Variants in PCCA observed in about 807,000 individuals in gnomAD.
PCCA encodes the protein propionyl-CoA carboxylase subunit alpha.
In PCCA, 74 loss-of-function variants were observed where a neutral mutation model predicts 101.3. The ratio of observed to expected loss-of-function variants is 0.73; its 90% CI spans 0.61 to 0.89. PCCA has a LOEUF of 0.89. Among genes scored for constraint, PCCA ranks in the 40% least tolerant of loss-of-function variants. The pLI, the probability that PCCA is intolerant of heterozygous loss-of-function variation, is 0.00. For synonymous variants in PCCA, 294 were observed against 313.6 expected (o/e 0.94, Z 0.66); for missense variants, 891 against 907.0 (o/e 0.98, Z 0.23).
At position 100,347,324 on chromosome 13, in the gene PCCA, A is replaced by G. The variant is rs371555019; in HGVS notation, c.1643+7065A>G. ...TTTATTGAAATACTTGCTTCATTGC[A>G]GTGGTCTGGAACTGATCTCACAGTA... On this transcript the variant is annotated intron_variant, in intron 18 of 23. Coordinates refer to ENST00000376285, the MANE Select transcript of PCCA (RefSeq NM_000282.4). 9.8e-4 allele frequency among the ~76,000 whole-genome samples: 149 copies of G among 152,360 alleles called. 4 individuals are homozygous for G. In the South Asian group the frequency reaches 0.028, roughly 29 times the overall value.
chr13:100,117,144 A>G (rs1274552966), intron 4 of PCCA, among the ~76,000 whole-genome samples: 1 of 152,070 alleles, frequency 6.6e-6, no homozygotes, highest in Non-Finnish European at 1.5e-5. Flanking sequence ...TTTATTTTTA[A>G]GTGGTTGTGA....
chr13:100,368,978 G>C (rs971775591), intron 19 of PCCA, among the ~76,000 whole-genome samples: 1 of 152,136 alleles, frequency 6.6e-6, no homozygotes, highest in African/African-American at 2.4e-5. Context: ...AGACACTCTT[G>C]AGGCTAAATT....
chr13:100,388,226 T>A (rs185754371), intron 19 of PCCA, among the ~76,000 whole-genome samples: 49 of 152,298 alleles, frequency 3.2e-4, no homozygotes, highest in African/African-American at 1.1e-3. Flanking sequence ...CCCAACAGTT[T>A]AAGAGGCTGA....
At chr13:100,162,080 ATGTG>A (rs3034650) in intron 6 of PCCA, among the ~76,000 whole-genome samples, 47,359 of 146,756 alleles carry the variant, frequency 0.32, 8,026 homozygotes, top group East Asian at 0.63. Flanking sequence ...GTGTGTCTGT[ATGTG>A]TGTGTGTGTG....
At chr13:100,408,972 T>C (rs762227339) in intron 19 of PCCA, among the ~76,000 whole-genome samples, 3 of 152,188 alleles carry the variant, frequency 2.0e-5, no homozygotes, top group Non-Finnish European at 4.4e-5. Context: ...TAAGCTTAAT[T>C]ACTGTCCGAT....
intron 21 of PCCA, among the ~76,000 whole-genome samples, chr13:100,458,926 A>G (rs1453612367): frequency 1.3e-5 from 2 of 152,112 alleles, no homozygotes; most frequent in Admixed American, 1.3e-4. Flanking sequence ...GGGTGGCTTA[A>G]AATAACAGAA....
chr13:100,160,508 G>GAAA (rs5806153), intron 6 of PCCA, among the ~76,000 whole-genome samples: 4 of 128,872 alleles, frequency 3.1e-5, no homozygotes, highest in Admixed American at 7.6e-5. Flanking sequence ...GTCTAAAAAA[G>GAAA]AAAAAAAAAA....
At chr13:100,485,569 G>C (rs758260390) in intron 21 of PCCA, among the ~76,000 whole-genome samples, 5 of 152,216 alleles carry the variant, frequency 3.3e-5, no homozygotes, top group Non-Finnish European at 5.9e-5. Flanking sequence ...AGAACTTACA[G>C]AATTGTTTTT....
chr13:100,302,039 CT>C (rs1158102849), intron 13 of PCCA, among the ~76,000 whole-genome samples: 1 of 151,788 alleles, frequency 6.6e-6, no homozygotes, highest in Non-Finnish European at 1.5e-5. Flanking sequence ...TTTTCCCAAC[CT>C]TTTTTTTGTA....
intron 7 of PCCA, among the ~76,000 whole-genome samples, chr13:100,219,711 A>G (rs2059705700): frequency 6.6e-6 from 1 of 152,218 alleles, no homozygotes; most frequent in Non-Finnish European, 1.5e-5. Flanking sequence ...TGAGTTGAAG[A>G]GTAAAAGGAG....
intron 6 of PCCA, among the ~76,000 whole-genome samples, chr13:100,174,738 AAAAG>A (rs1271513683): frequency 1.3e-5 from 2 of 151,498 alleles, no homozygotes; most frequent in Non-Finnish European, 2.9e-5. Context: ...AAAAAAAAAA[AAAAG>A]AAAAAAAAAG....
intron 8 of PCCA, among the ~76,000 whole-genome samples, chr13:100,257,153 CA>C (rs1478289846): frequency 6.6e-6 from 1 of 152,118 alleles, no homozygotes; most frequent in African/African-American, 2.4e-5. Context: ...TGTGACTCTT[CA>C]GATGAAAATA....
intron 21 of PCCA, among the ~76,000 whole-genome samples, chr13:100,453,440 T>A (rs531960783): frequency 6.6e-6 from 1 of 151,492 alleles, no homozygotes; most frequent in South Asian, 2.1e-4. Context: ...AGGTGGAGGT[T>A]GTAGTGAGCT....
chr13:100,327,951 C>T (rs1041948536), intron 16 of PCCA, among the ~76,000 whole-genome samples: 6 of 152,156 alleles, frequency 3.9e-5, no homozygotes, highest in Admixed American at 6.5e-5. Context: ...GGGCCAGACA[C>T]GGTGGCTTAT....
chr13:100,523,140 G>GA (rs1359301082), intron 22 of PCCA, among the ~76,000 whole-genome samples: 4 of 152,210 alleles, frequency 2.6e-5, no homozygotes, highest in African/African-American at 9.6e-5. Context: ...TGTTTTCTGA[G>GA]AGGGGGCATG....
At chr13:100,169,258 A>C (rs956389156) in intron 6 of PCCA, among the ~76,000 whole-genome samples, 6 of 142,414 alleles carry the variant, frequency 4.2e-5, no homozygotes, top group Non-Finnish European at 7.9e-5. Flanking sequence ...CCTGGCCAAC[A>C]TGGTGAAACC....
chr13:100,376,104 C>T (rs950652210), intron 19 of PCCA, among the ~76,000 whole-genome samples: 3 of 152,180 alleles, frequency 2.0e-5, no homozygotes, highest in Non-Finnish European at 4.4e-5. Flanking sequence ...CAGTCAGGCC[C>T]CTCTGCTGTA....
chr13:100,529,574 C>T (rs1351530820), intron 23 of PCCA, among the ~76,000 whole-genome samples: 3 of 152,214 alleles, frequency 2.0e-5, no homozygotes, highest in Non-Finnish European at 2.9e-5. Flanking sequence ...ACAGCCCCAC[C>T]TGCCAAGGAC....
rs545876138 is a variant in PCCA at position 100,121,407 on chromosome 13, G to A, written c.300+9346G>A. ...ACTCCTGACCTCAAGTGATCCTCCCGCTGTGGCCTCCCAAAGTGCTGGGAT... is the reference window on the plus strand; with the variant it reads ...ACTCCTGACCTCAAGTGATCCTCCCACTGTGGCCTCCCAAAGTGCTGGGAT... On this transcript the variant is annotated intron_variant, in intron 4 of 23. Transcript: ENST00000376285. 1.6e-3 allele frequency among the ~76,000 whole-genome samples: 237 copies of A among 151,100 alleles called. 1 individual carries two copies. The highest frequency in any genetic ancestry group is 5.4e-3 in the African/African-American group (223 of 41,156).
Sources: gnomAD v4.1 joint callset for allele counts (sites outside exome capture counted in the v4.1 genomes callset) on GRCh38, gnomAD v4.1.1 for gene constraint, MANE v1.5 for transcripts, NCBI Gene and HGNC (gene_info 2026-07-23, HGNC 2026-07-21) for gene names.